SLC1A2: variants seen among roughly 807,000 people sequenced by gnomAD.
The protein encoded by SLC1A2 is solute carrier family 1 member 2.
In SLC1A2, 15 loss-of-function variants were observed where a neutral mutation model predicts 48.8. The observed-to-expected ratio is 0.31, with a 90% confidence interval of 0.21 to 0.47. The LOEUF is 0.47. Ranked by LOEUF, SLC1A2 falls within the 20% of genes least tolerant of loss-of-function variation. The probability of loss-of-function intolerance (pLI) is 0.99; values close to 1 mark genes in which losing one functional copy is unlikely to be tolerated. For synonymous variants in SLC1A2, 279 were observed against 272.6 expected (o/e 1.02, Z -0.23); for missense variants, 502 against 730.5 (o/e 0.69, Z 3.61).
At chr11:35,369,214 A>G (rs1022810681) in intron 1 of SLC1A2, among the ~76,000 whole-genome samples, 5 of 152,030 alleles carry the variant, frequency 3.3e-5, no homozygotes, top group African/African-American at 1.2e-4. Context: ...TTTTTCCCCC[A>G]CCACCTTCCC....
At chr11:35,303,974 A>G (rs548921087) in intron 5 of SLC1A2, among the ~76,000 whole-genome samples, 4 of 152,224 alleles carry the variant, frequency 2.6e-5, no homozygotes, top group Non-Finnish European at 5.9e-5. Context: ...TATTTCAGCC[A>G]TGATTTGTAA....
intron 1 of SLC1A2, among the ~76,000 whole-genome samples, chr11:35,385,481 T>C (rs983245805): frequency 6.6e-6 from 1 of 152,178 alleles, no homozygotes; most frequent in African/African-American, 2.4e-5. Flanking sequence ...TTGCCTCCCA[T>C]TCTCCCTAAA....
chr11:35,376,631 A>C (rs995013531), intron 1 of SLC1A2, among the ~76,000 whole-genome samples: 2 of 152,230 alleles, frequency 1.3e-5, no homozygotes, highest in Non-Finnish European at 2.9e-5. Context: ...AATTGTAACC[A>C]AATTATCCTG....
chr11:35,366,460 G>A (rs965144563), intron 1 of SLC1A2, among the ~76,000 whole-genome samples: 2 of 152,182 alleles, frequency 1.3e-5, no homozygotes, highest in African/African-American at 4.8e-5. Flanking sequence ...ATGTCTGGAA[G>A]GTTTGGTTGT....
chr11:35,373,355 C>T (rs1017013785), intron 1 of SLC1A2, among the ~76,000 whole-genome samples: 1 of 152,130 alleles, frequency 6.6e-6, no homozygotes, highest in Non-Finnish European at 1.5e-5. Context: ...CAGGTTGGGC[C>T]CCCTCATGAA....
chr11:35,295,916 T>C lies in SLC1A2; in HGVS notation c.858-3396A>G, dbSNP rs75357077. On this transcript the variant is annotated intron_variant, in intron 6 of 10. Coordinates refer to ENST00000278379, the MANE Select transcript of SLC1A2 (RefSeq NM_004171.4). ...CTGTTAACAATTCCCTGGCTTACCC[T>C]GGGCTTACCTGAGCTTACCTGGATT... 1.0e-2 allele frequency among the ~76,000 whole-genome samples: 1,516 copies of C among 152,304 alleles called. 30 individuals are homozygous for C. The highest frequency in any genetic ancestry group is 0.096 in the East Asian group (495 of 5,180).
In SLC1A2 at chr11:35,252,262, C is replaced by T. The variant is rs1027688669; in HGVS notation, c.*8632G>A. 1 of 152,560 alleles carries T rather than the reference C, an allele frequency of 6.6e-6. No individual in the cohort carries two copies. The highest frequency in any genetic ancestry group is 2.4e-5 in the African/African-American group (1 of 41,426). 9.5% of individuals were successfully genotyped at this position (152,560 alleles called of 1,614,324 possible). On this transcript the variant is annotated 3_prime_UTR_variant, in exon 11 of 11. Transcript: ENST00000278379. The stretch of plus-strand genomic sequence containing the variant: ...CAAGGGAGACAAGGCTCCTCAGAAC[C>T]TTTAAGTCATGAGCATCATGATGAG...
chr11:35,397,209 C>A (rs1324037771), intron 1 of SLC1A2, among the ~76,000 whole-genome samples: 1 of 150,902 alleles, frequency 6.6e-6, no homozygotes, highest in African/African-American at 2.4e-5. Flanking sequence ...AAAAAACAGC[C>A]CACATCGCCA....
chr11:35,418,802 C>A, intron 1 of SLC1A2, 148 bp downstream of exon 1: 1 of 667,328 alleles, frequency 1.5e-6, no homozygotes, highest in Non-Finnish European at 2.7e-6. Flanking sequence ...CAATCCCCTC[C>A]CCACCATCCC....
At chr11:35,288,136 A>G (rs536633582) in intron 7 of SLC1A2, among the ~76,000 whole-genome samples, 1 of 152,326 alleles carries the variant, frequency 6.6e-6, no homozygotes, top group Admixed American at 6.5e-5. Flanking sequence ...TGAAGATTCC[A>G]GGGCCTATCC....
intron 1 of SLC1A2, chr11:35,322,513 G>A: frequency 8.6e-7 from 1 of 1,156,732 alleles, no homozygotes; most frequent in South Asian, 1.3e-5. Flanking sequence ...AAAAGCAACT[G>A]GTGTGTTTCT....
chr11:35,293,383 G>A (rs113948601), intron 6 of SLC1A2, among the ~76,000 whole-genome samples: 6,423 of 152,242 alleles, frequency 0.042, 449 homozygotes, highest in African/African-American at 0.15. Flanking sequence ...TAGATAAGCA[G>A]TTTGTCGTAT....
chr11:35,278,325 G>C (rs181708740), intron 9 of SLC1A2, among the ~76,000 whole-genome samples: 50 of 144,016 alleles, frequency 3.5e-4, no homozygotes, highest in South Asian at 2.4e-3. Flanking sequence ...GCCCAGGCTG[G>C]AGTGCAATGG....
intron 4 of SLC1A2, among the ~76,000 whole-genome samples, chr11:35,311,748 G>T (rs1182156929): frequency 6.6e-6 from 1 of 151,856 alleles, no homozygotes; most frequent in South Asian, 2.1e-4. Flanking sequence ...TTACTGCCAC[G>T]TTTGAGAACC....
intron 1 of SLC1A2, among the ~76,000 whole-genome samples, chr11:35,358,142 TAAA>T (rs879302935): frequency 2.1e-5 from 3 of 141,690 alleles, no homozygotes; most frequent in Non-Finnish European, 4.6e-5. Context: ...AGACTCCGTC[TAAA>T]AAAAAAAAGG....
chr11:35,265,320 CTCTT>C (rs1950462878), intron 10 of SLC1A2: 1 of 560,510 alleles, frequency 1.8e-6, no homozygotes, highest in African/African-American at 1.9e-5. Context: ...AACTGATTGA[CTCTT>C]TCTCCATCAG....
intron 9 of SLC1A2, among the ~76,000 whole-genome samples, chr11:35,276,990 C>T (rs1429292603): frequency 6.6e-6 from 1 of 152,138 alleles, no homozygotes; most frequent in East Asian, 1.9e-4. Context: ...TAAGGGCCTT[C>T]TTTCTGCATC....
chr11:35,254,430 A>G lies in SLC1A2; in HGVS notation c.*6464T>C, dbSNP rs1950285901. The G allele has an allele frequency of 6.2e-6, 1 of 161,880 alleles. No individual in the cohort carries two copies. Among genetic ancestry groups the G allele is most frequent in the Non-Finnish European group, 1.4e-5 (1 of 73,692 alleles). The allele number at this position is 161,880 out of a possible 1,614,324, so 10.0% of individuals were successfully genotyped here. On this transcript the variant is annotated 3_prime_UTR_variant, in exon 11 of 11. Transcript: ENST00000278379. ...AAACCACCAGACAGCCAACTTTCTG[A>G]TCATTTATCTCAGGGAATTCGCTCC... is the stretch of plus-strand genomic sequence containing the variant.
chr11:35,417,637 G>A (rs1318726859), intron 1 of SLC1A2, among the ~76,000 whole-genome samples: 1 of 152,148 alleles, frequency 6.6e-6, no homozygotes, highest in African/African-American at 2.4e-5. Flanking sequence ...TCTTTTTGGA[G>A]AAATAATAAT....
Sources: gnomAD v4.1 joint callset for allele counts (sites outside exome capture counted in the v4.1 genomes callset) on GRCh38, gnomAD v4.1.1 for gene constraint, MANE v1.5 for transcripts, NCBI Gene and HGNC (gene_info 2026-07-23, HGNC 2026-07-21) for gene names.